CACNB2: variants seen among roughly 807,000 people sequenced by gnomAD.
CACNB2 encodes the protein voltage-dependent L-type calcium channel subunit beta-2.
Under a neutral mutation model 73.3 loss-of-function variants are expected in CACNB2, and 42 were observed. The ratio of observed to expected loss-of-function variants is 0.57; its 90% CI spans 0.45 to 0.74. The LOEUF (loss-of-function observed/expected upper bound fraction) is 0.74. CACNB2 is among the 30% of genes least tolerant of loss of function. The pLI, the probability that CACNB2 is intolerant of heterozygous loss-of-function variation, is 0.00. For synonymous variants in CACNB2, 348 were observed against 310.3 expected (o/e 1.12, Z -1.28); for missense variants, 940 against 853.0 (o/e 1.10, Z -1.27).
chr10:18,204,278 C>T (rs2035004483), intron 2 of CACNB2, among the ~76,000 whole-genome samples: 2 of 152,180 alleles, frequency 1.3e-5, no homozygotes, highest in South Asian at 4.1e-4. Flanking sequence ...GTCATTTATG[C>T]TTTTCATGAC....
intron 3 of CACNB2, among the ~76,000 whole-genome samples, chr10:18,407,109 C>CTTTTGTTTTTTT: frequency 2.8e-5 from 1 of 35,572 alleles, no homozygotes; most frequent in African/African-American, 1.1e-4. Flanking sequence ...GCTGTTCTGT[C>CTTTTGTTTTTTT]TTTTTTTTTT....
intron 2 of CACNB2, among the ~76,000 whole-genome samples, chr10:18,263,767 C>T (rs1302685548): frequency 1.3e-5 from 2 of 152,214 alleles, no homozygotes; most frequent in African/African-American, 4.8e-5. Context: ...CCTCCGCTCA[C>T]TTGTTTAACG....
intron 2 of CACNB2, among the ~76,000 whole-genome samples, chr10:18,370,526 C>G (rs570102063): frequency 7.2e-5 from 11 of 152,334 alleles, no homozygotes; most frequent in African/African-American, 2.6e-4. Context: ...TCTCGAACTC[C>G]TAGACTTAAG....
intron 2 of CACNB2, among the ~76,000 whole-genome samples, chr10:18,366,276 T>C (rs931847154): frequency 1.3e-5 from 2 of 151,178 alleles, no homozygotes; most frequent in Admixed American, 6.6e-5. Context: ...CCATCCTGGC[T>C]AACACGGTGA....
At chr10:18,203,715 A>G (rs2034980499) in intron 2 of CACNB2, among the ~76,000 whole-genome samples, 1 of 152,194 alleles carries the variant, frequency 6.6e-6, no homozygotes, top group Non-Finnish European at 1.5e-5. Flanking sequence ...AAGAATGAAC[A>G]AGTAATTGTG....
At chr10:18,377,228 G>A (rs540455899) in intron 2 of CACNB2, among the ~76,000 whole-genome samples, 6 of 152,304 alleles carry the variant, frequency 3.9e-5, no homozygotes, top group African/African-American at 1.4e-4. Flanking sequence ...GAGATTTCTT[G>A]TACTACATAG....
At chr10:18,539,033 CAA>C (rs1259883317) in intron 13 of CACNB2, among the ~76,000 whole-genome samples, 195 bp from the exon 14 acceptor site, 1 of 151,482 alleles carries the variant, frequency 6.6e-6, no homozygotes, top group African/African-American at 2.4e-5. Flanking sequence ...TAGGCACTTA[CAA>C]AAGTCCAATT....
chr10:18,241,831 T>A (rs2036662169), intron 2 of CACNB2, among the ~76,000 whole-genome samples: 1 of 152,128 alleles, frequency 6.6e-6, no homozygotes, highest in Non-Finnish European at 1.5e-5. Flanking sequence ...TCTGGAATAT[T>A]TGTACAAATA....
At chr10:18,387,505 TG>T (rs2043285333) in intron 2 of CACNB2, among the ~76,000 whole-genome samples, 1 of 152,196 alleles carries the variant, frequency 6.6e-6, no homozygotes, top group Non-Finnish European at 1.5e-5. Context: ...TACATTCTAC[TG>T]TATATATGTG....
At chr10:18,175,596 T>C (rs572166701) in intron 2 of CACNB2, among the ~76,000 whole-genome samples, 39 of 152,126 alleles carry the variant, frequency 2.6e-4, no homozygotes, top group African/African-American at 9.2e-4. Flanking sequence ...TCTTGATGAA[T>C]TTTTTTTAAG....
intron 3 of CACNB2, among the ~76,000 whole-genome samples, chr10:18,428,994 C>T (rs2045747118): frequency 1.3e-5 from 2 of 152,296 alleles, no homozygotes; most frequent in South Asian, 4.1e-4. Flanking sequence ...CATTTATTCA[C>T]TTAATTACTA....
At chr10:18,166,542 C>T (rs74229403) in intron 2 of CACNB2, among the ~76,000 whole-genome samples, 4,126 of 152,228 alleles carry the variant, frequency 0.027, 154 homozygotes, top group East Asian at 0.16. Flanking sequence ...TTGTTTTAAT[C>T]GCTAAACTCA....
At chr10:18,483,197 T>G (rs1485927630) in intron 3 of CACNB2, among the ~76,000 whole-genome samples, 1 of 151,320 alleles carries the variant, frequency 6.6e-6, no homozygotes, top group Non-Finnish European at 1.5e-5. Context: ...TTGGTTTGGG[T>G]CATGGGGACA....
chr10:18,477,451 A>C (rs549725985), intron 3 of CACNB2, among the ~76,000 whole-genome samples: 22 of 152,320 alleles, frequency 1.4e-4, no homozygotes, highest in Admixed American at 2.6e-4. Context: ...TGTTGTTAGA[A>C]TGTCTCTGAC....
chr10:18,438,560 G>A (rs997487815), intron 3 of CACNB2, among the ~76,000 whole-genome samples: 1 of 152,132 alleles, frequency 6.6e-6, no homozygotes, highest in Admixed American at 6.5e-5. Flanking sequence ...TTTACCCTGC[G>A]TGCCGCCAAT....
intron 10 of CACNB2, among the ~76,000 whole-genome samples, chr10:18,530,975 G>T (rs757977009): frequency 5.9e-5 from 9 of 152,212 alleles, no homozygotes; most frequent in Non-Finnish European, 1.0e-4. Flanking sequence ...GGGGAGAAAG[G>T]TAGTTAGAGA....
rs114321521 is a variant in CACNB2 at position 18,447,281 on chromosome 10, G to A, written c.333+45238G>A. On this transcript the variant is annotated intron_variant, in intron 3 of 13. Transcript: ENST00000324631. Reference sequence around the variant, plus strand: ...TGTTAAATTTGAGGCACCATAGACCGTGTATTTGGAAGCATGGAGAAAGTT... The same window carrying A: ...TGTTAAATTTGAGGCACCATAGACCATGTATTTGGAAGCATGGAGAAAGTT... Among the ~76,000 whole-genome samples, 883 of 152,256 alleles carry A rather than the reference G, an allele frequency of 5.8e-3. 12 individuals carry two copies. The highest frequency in any genetic ancestry group is 0.02 in the African/African-American group (847 of 41,532).
chr10:18,396,812 G>A (rs1037847999), intron 2 of CACNB2, among the ~76,000 whole-genome samples: 1 of 152,164 alleles, frequency 6.6e-6, no homozygotes, highest in Non-Finnish European at 1.5e-5. Flanking sequence ...TGACCAGCAA[G>A]CAATGAGTTT....
At chr10:18,195,193 T>G (rs542459202) in intron 2 of CACNB2, among the ~76,000 whole-genome samples, 7 of 152,268 alleles carry the variant, frequency 4.6e-5, no homozygotes, top group African/African-American at 1.7e-4. Flanking sequence ...CATTAAACAG[T>G]TGTTAGCAGT....
Sources: gnomAD v4.1 joint callset for allele counts (sites outside exome capture counted in the v4.1 genomes callset) on GRCh38, gnomAD v4.1.1 for gene constraint, MANE v1.5 for transcripts, NCBI Gene and HGNC (gene_info 2026-07-23, HGNC 2026-07-21) for gene names.